ATP13A5: variants seen among roughly 807,000 people sequenced by gnomAD.
ATP13A5 encodes probable cation-transporting ATPase 13A5.
In ATP13A5, 149 loss-of-function variants were observed where a neutral mutation model predicts 150.2. The observed-to-expected ratio is 0.99, with a 90% confidence interval of 0.87 to 1.14. The LOEUF is 1.14. Among genes scored for constraint, ATP13A5 ranks in the 50% most tolerant of loss-of-function variants. ATP13A5 has a pLI of 0.00. For missense variants in ATP13A5, 1,383 were observed against 1,449.3 expected (o/e 0.95, Z 0.74); for synonymous variants, 497 against 522.2 (o/e 0.95, Z 0.66).
At chr3:193,292,721 G>A (rs773859242) in intron 25 of ATP13A5, among the ~76,000 whole-genome samples, 2 of 152,134 alleles carry the variant, frequency 1.3e-5, no homozygotes, top group Non-Finnish European at 2.9e-5. Flanking sequence ...AGCTGACCTA[G>A]ATCAGCTAAA....
intron 17 of ATP13A5, among the ~76,000 whole-genome samples, chr3:193,316,930 G>A (rs1181323294): frequency 3.3e-5 from 5 of 152,248 alleles, no homozygotes; most frequent in Admixed American, 2.6e-4. Context: ...AACTACTAGA[G>A]GAAAACATAG....
At chr3:193,296,597 A>G (rs573887752) in intron 25 of ATP13A5, among the ~76,000 whole-genome samples, 3 of 151,884 alleles carry the variant, frequency 2.0e-5, no homozygotes, top group Admixed American at 1.3e-4. Context: ...GCTTTGTAGT[A>G]TAGTTTGAAG....
At chr3:193,345,630 T>C (rs1712307335) in intron 7 of ATP13A5, among the ~76,000 whole-genome samples, 1 of 152,154 alleles carries the variant, frequency 6.6e-6, no homozygotes, top group South Asian at 2.1e-4. Flanking sequence ...ATGGCTGCTG[T>C]ATGAGTCGCT....
In ATP13A5 at chr3:193,334,971, G is replaced by A. The variant is rs1287302749; in HGVS notation, c.1072C>T (p.Pro358Ser). ...FCGTEVIQVKPSGQGPVRAVV... is the reference protein window; with the variant it reads ...FCGTEVIQVKSSGQGPVRAVV... ...GCTCGTACAGGCCCCTGCCCAGAGGGCTTGACCTGGATAACTTCTGTTCCA... is the reference window on the plus strand; with the variant it reads ...GCTCGTACAGGCCCCTGCCCAGAGGACTTGACCTGGATAACTTCTGTTCCA... Residue 358 changes from proline (P) to serine (S), a missense_variant, in exon 10 of 30, where the codon CCC becomes TCC. Pro to Ser is a moderately conservative substitution (Grantham distance 74). Transcript: ENST00000342358. The A allele has an allele frequency of 1.9e-6, 3 of 1,613,792 alleles. No homozygotes were observed. The highest frequency in any genetic ancestry group is 2.7e-5 in the African/African-American group (2 of 74,924).
chr3:193,286,698 A>G (rs1717736899), intron 26 of ATP13A5, among the ~76,000 whole-genome samples: 1 of 152,144 alleles, frequency 6.6e-6, no homozygotes, highest in Non-Finnish European at 1.5e-5. Flanking sequence ...CTTGAGAGAC[A>G]ATAATATCGA....
chr3:193,354,249 G>C, intron 5 of ATP13A5, 53 bp from the exon 6 acceptor site: 1 of 1,505,698 alleles, frequency 6.6e-7, no homozygotes, highest in South Asian at 1.2e-5. Flanking sequence ...CATGATAAGT[G>C]ACTACAGGCC....
intron 21 of ATP13A5, among the ~76,000 whole-genome samples, chr3:193,310,029 G>A (rs1560126031): frequency 6.6e-6 from 1 of 152,074 alleles, no homozygotes; most frequent in Admixed American, 6.6e-5. Flanking sequence ...CCCACCCTCT[G>A]CTCTCAAGTA....
chr3:193,276,031 T>C (rs183786126), intron 29 of ATP13A5, among the ~76,000 whole-genome samples: 1 of 152,206 alleles, frequency 6.6e-6, no homozygotes, highest in African/African-American at 2.4e-5. Flanking sequence ...GTAGATAATA[T>C]TATGATAAGT....
intron 11 of ATP13A5, among the ~76,000 whole-genome samples, chr3:193,333,214 T>C (rs1711709203): frequency 6.6e-6 from 1 of 151,358 alleles, no homozygotes; most frequent in Non-Finnish European, 1.5e-5. Flanking sequence ...TGCCACCAAT[T>C]TGGACATTGT....
chr3:193,372,994 T>A (rs1233160138), intron 1 of ATP13A5, among the ~76,000 whole-genome samples: 2 of 152,194 alleles, frequency 1.3e-5, no homozygotes, highest in South Asian at 2.1e-4. Context: ...AGGGCTGACT[T>A]TCAGTTTCAA....
At chr3:193,284,201 T>G (rs1300539662) in intron 27 of ATP13A5, among the ~76,000 whole-genome samples, 1 of 151,568 alleles carries the variant, frequency 6.6e-6, no homozygotes, top group Admixed American at 6.6e-5. Flanking sequence ...TGTAAAAGTG[T>G]TTTTTTAGAG....
intron 27 of ATP13A5, among the ~76,000 whole-genome samples, chr3:193,282,818 A>G (rs998723031): frequency 2.0e-5 from 3 of 152,242 alleles, no homozygotes; most frequent in African/African-American, 4.8e-5. Context: ...TTATATACCA[A>G]TGTAAATTCT....
rs951661184 is a variant in ATP13A5 at position 193,311,870 on chromosome 3, C to T, written c.2391G>A (p.Met797Ile). 1 of 1,613,964 alleles carries T rather than the reference C, an allele frequency of 6.2e-7. No individual in the cohort carries two copies. The highest frequency in any genetic ancestry group is 8.5e-7 in the Non-Finnish European group (1 of 1,179,900). The change falls in exon 20 of 30, where the codon ATG (methionine) becomes ATA (isoleucine). Residue 797 changes from methionine (M) to isoleucine (I), a missense_variant. Around this residue, in one of 3 missense-constraint regions of ATP13A5, gnomAD observed 568 missense variants for 621.5 expected, o/e 0.91. Transcript: ENST00000342358. ...GEGGSCYHFA[M>I]SGKSYQVIFQ... ...ATATCACTTGGTATGATTTCCCACT[C>T]ATTGCAAAATGGTAACAGCTTCCTC...
At chr3:193,351,024 A>G (rs1314132008) in intron 7 of ATP13A5, 43 bp downstream of exon 7, 1 of 1,604,814 alleles carries the variant, frequency 6.2e-7, no homozygotes. Context: ...TTACTTCTTT[A>G]GCTAGAAGCT....
chr3:193,340,592 C>A (rs1335357060), intron 9 of ATP13A5, among the ~76,000 whole-genome samples: 1 of 152,126 alleles, frequency 6.6e-6, no homozygotes, highest in Admixed American at 6.5e-5. Flanking sequence ...ACATCAGCAG[C>A]TTAATGAAGA....
chr3:193,335,714 T>C (rs1259837799), intron 9 of ATP13A5, among the ~76,000 whole-genome samples: 2 of 152,174 alleles, frequency 1.3e-5, no homozygotes, highest in African/African-American at 4.8e-5. Context: ...ATCGTTAGCC[T>C]TTTCCATTGC....
intron 14 of ATP13A5, 135 bp downstream of exon 14, chr3:193,324,729 G>A: frequency 1.1e-6 from 1 of 945,810 alleles, no homozygotes; most frequent in Non-Finnish European, 1.6e-6. Context: ...AGGTTGGGAA[G>A]TTCTGGTAGT....
Position 193,290,749 on chromosome 3 carries a change from G to A in ATP13A5, c.2849-690C>T, listed in dbSNP as rs7623403. On this transcript the variant is annotated intron_variant, in intron 25 of 29. Coordinates refer to ENST00000342358, the MANE Select transcript of ATP13A5 (RefSeq NM_198505.4). ...TTTTAAATTTAAAGCGTTTGGAAAT[G>A]GGCAGAAATTAAAAAGAACAACTAT... Among the ~76,000 whole-genome samples, 1,198 of 152,176 alleles carry A rather than the reference G, an allele frequency of 7.9e-3. 18 individuals carry two copies. The highest frequency in any genetic ancestry group is 0.028 in the African/African-American group (1,146 of 41,514).
intron 7 of ATP13A5, among the ~76,000 whole-genome samples, chr3:193,349,101 G>C (rs1423114559): frequency 6.6e-6 from 1 of 152,208 alleles, no homozygotes; most frequent in Admixed American, 6.5e-5. Context: ...AACAGATGTT[G>C]ATGAATGAGG....
Sources: gnomAD v4.1 joint callset for allele counts (sites outside exome capture counted in the v4.1 genomes callset) on GRCh38, gnomAD v4.1.1 for gene constraint, gnomAD v4.1.1 regional missense constraint, MANE v1.5 for transcripts, NCBI Gene and HGNC (gene_info 2026-07-23, HGNC 2026-07-21) for gene names.